Variants in CPEB1 observed in about 807,000 individuals in gnomAD.
The protein encoded by CPEB1 is cytoplasmic polyadenylation element-binding protein 1.
In CPEB1, 7 loss-of-function variants were observed where a neutral mutation model predicts 65.8. The observed-to-expected ratio is 0.11, with a 90% CI of 0.06 to 0.20. The LOEUF is 0.20. Ranked by LOEUF, CPEB1 falls within the 10% of genes least tolerant of loss-of-function variation. The pLI is 1.00. For synonymous variants in CPEB1, 262 were observed against 260.0 expected, an observed-to-expected ratio of 1.01 and a Z score of -0.08; for missense variants, 551 against 712.2, an observed-to-expected ratio of 0.77 and a Z score of 2.58.
At chr15:82,639,237 C>T (rs930130474) in intron 1 of CPEB1, among the ~76,000 whole-genome samples, 7 of 152,268 alleles carry the variant, frequency 4.6e-5, no homozygotes, top group East Asian at 1.9e-4. Context: ...GTTGTGTGTT[C>T]CCTCTCAATA....
chr15:82,591,598 G>C (rs1396428352), intron 3 of CPEB1, among the ~76,000 whole-genome samples: 1 of 151,910 alleles, frequency 6.6e-6, no homozygotes, highest in Non-Finnish European at 1.5e-5. Context: ...CAGTTATAAA[G>C]CTTTTTTCAT....
At chr15:82,585,441 T>C (rs1239884092) in intron 3 of CPEB1, among the ~76,000 whole-genome samples, 1 of 152,154 alleles carries the variant, frequency 6.6e-6, no homozygotes, top group African/African-American at 2.4e-5. Context: ...AACATCACAT[T>C]CTCACTTTTC....
chr15:82,629,943 A>C (rs1299675610), intron 1 of CPEB1: 1 of 985,274 alleles, frequency 1.0e-6, no homozygotes, highest in Non-Finnish European at 1.2e-6. Context: ...TGTGAAGACG[A>C]CCAAAATACA....
At chr15:82,623,078 T>C (rs540360666) in intron 3 of CPEB1, among the ~76,000 whole-genome samples, 132 of 152,352 alleles carry the variant, frequency 8.7e-4, no homozygotes, top group African/African-American at 3.1e-3. Flanking sequence ...GTCTCAGCTT[T>C]GGGCCCTAAT....
intron 1 of CPEB1, among the ~76,000 whole-genome samples, chr15:82,646,843 CCA>C (rs922858838): frequency 6.6e-6 from 1 of 152,094 alleles, no homozygotes; most frequent in African/African-American, 2.4e-5. Context: ...GTGAGTCCCC[CCA>C]CACTCAGGTG....
chr15:82,554,429 T>C (rs1009753639), intron 6 of CPEB1, among the ~76,000 whole-genome samples: 1 of 152,220 alleles, frequency 6.6e-6, no homozygotes, highest in East Asian at 1.9e-4. Flanking sequence ...ATGAGAAACA[T>C]TCTATTCTGT....
intron 1 of CPEB1, chr15:82,629,851 A>G (rs2046091963): frequency 1.0e-6 from 1 of 985,308 alleles, no homozygotes. Context: ...CAGTTTTACC[A>G]ACTCTGCAGG....
intron 3 of CPEB1, among the ~76,000 whole-genome samples, chr15:82,625,022 G>A (rs1020889480): frequency 3.3e-5 from 5 of 151,958 alleles, no homozygotes; most frequent in Admixed American, 6.6e-5. Context: ...TTTTGTAAAC[G>A]GGGTTTCACC....
At chr15:82,603,781 A>C (rs528428300) in intron 3 of CPEB1, among the ~76,000 whole-genome samples, 1 of 152,208 alleles carries the variant, frequency 6.6e-6, no homozygotes, top group Non-Finnish European at 1.5e-5. Context: ...ACATATTTAA[A>C]AAATGCGAAG....
intron 4 of CPEB1, among the ~76,000 whole-genome samples, chr15:82,564,386 C>T (rs917868081): frequency 1.3e-5 from 2 of 151,994 alleles, no homozygotes; most frequent in Non-Finnish European, 1.5e-5. Flanking sequence ...CCCGGGTTCA[C>T]GCCATTCTCC....
At chr15:82,554,595 C>T (rs1402234978) in intron 6 of CPEB1, among the ~76,000 whole-genome samples, 4 of 152,182 alleles carry the variant, frequency 2.6e-5, no homozygotes, top group African/African-American at 9.7e-5. Context: ...TCCTTGATGC[C>T]AGCATGGTAA....
At chr15:82,586,040 T>C (rs2151122226) in intron 3 of CPEB1, among the ~76,000 whole-genome samples, 1 of 152,092 alleles carries the variant, frequency 6.6e-6, no homozygotes, top group South Asian at 2.1e-4. Flanking sequence ...CTGATAATGG[T>C]GTAAGTGATA....
intron 1 of CPEB1, among the ~76,000 whole-genome samples, chr15:82,636,022 G>A (rs1235508111): frequency 6.6e-6 from 1 of 152,058 alleles, no homozygotes; most frequent in Admixed American, 6.6e-5. Flanking sequence ...TCCATCAACA[G>A]ATACAAGATC....
chr15:82,602,071 A>G (rs781242534), intron 3 of CPEB1, among the ~76,000 whole-genome samples: 1 of 152,214 alleles, frequency 6.6e-6, no homozygotes, highest in Non-Finnish European at 1.5e-5. Context: ...CTTTATAAGT[A>G]TATCTAGAAC....
chr15:82,552,480 C>T lies in CPEB1; in HGVS notation c.1281G>A (p.Glu427=), dbSNP rs754276026. 1.0e-5 allele frequency: 16 copies of T among 1,567,108 alleles called. No individual in the cohort carries two copies. Among genetic ancestry groups the T allele is most frequent in the Non-Finnish European group, 1.2e-5 (14 of 1,160,844 alleles). Residue 427 remains glutamate, a splice_region_variant and synonymous_variant, in exon 9 of 13, where the codon GAG becomes GAA. Transcript: ENST00000684509. Reference sequence around the variant, plus strand: ...CAGAAAGGACATCACGCTAACTCACCTCCTTGCAGCGCATCCTTCGGCTGG... The same window carrying T: ...CAGAAAGGACATCACGCTAACTCACTTCCTTGCAGCGCATCCTTCGGCTGG... ...KMSSRRMRCK[E]VQVIPWVLAD...
At chr15:82,622,458 G>C (rs768283645) in intron 3 of CPEB1, among the ~76,000 whole-genome samples, 4 of 152,108 alleles carry the variant, frequency 2.6e-5, no homozygotes, top group Non-Finnish European at 4.4e-5. Flanking sequence ...CTGGAATACA[G>C]AGTGCAACCT....
intron 9 of CPEB1, among the ~76,000 whole-genome samples, chr15:82,550,173 G>A (rs903398803): frequency 6.6e-6 from 1 of 152,184 alleles, no homozygotes; most frequent in Non-Finnish European, 1.5e-5. Context: ...CAGTGGAAAT[G>A]ACTGGCGAGA....
intron 3 of CPEB1, among the ~76,000 whole-genome samples, chr15:82,626,808 A>G (rs1197524439): frequency 6.6e-6 from 1 of 152,238 alleles, no homozygotes; most frequent in Non-Finnish European, 1.5e-5. Context: ...AATAGTTTTC[A>G]TATTAAATGT....
chr15:82,552,039 A>C (rs2036349370), intron 9 of CPEB1, among the ~76,000 whole-genome samples: 1 of 152,212 alleles, frequency 6.6e-6, no homozygotes, highest in Non-Finnish European at 1.5e-5. Context: ...GGTGTGGGCT[A>C]AAGAGGAATT....
Sources: gnomAD v4.1 joint callset for allele counts (sites outside exome capture counted in the v4.1 genomes callset) on GRCh38, gnomAD v4.1.1 for gene constraint, MANE v1.5 for transcripts, NCBI Gene and HGNC (gene_info 2026-07-23, HGNC 2026-07-21) for gene names.